MACROD2: variants seen among roughly 807,000 people sequenced by gnomAD.
MACROD2 encodes ADP-ribose glycohydrolase MACROD2.
In MACROD2, 36 loss-of-function variants were observed where a neutral mutation model predicts 70.4. The observed-to-expected ratio is 0.51, with a 90% CI of 0.39 to 0.68. The LOEUF (loss-of-function observed/expected upper bound fraction) is 0.68. Ranked by LOEUF, MACROD2 falls within the 30% of genes least tolerant of loss-of-function variation. MACROD2 has a pLI of 0.00. For missense variants in MACROD2, 496 were observed against 538.4 expected (o/e 0.92, Z 0.78); for synonymous variants, 172 against 178.8 (o/e 0.96, Z 0.30).
intron 3 of MACROD2, among the ~76,000 whole-genome samples, chr20:14,397,104 C>G (rs990739071): frequency 2.7e-5 from 4 of 149,452 alleles, no homozygotes; most frequent in African/African-American, 9.8e-5. Context: ...ACACCATTCT[C>G]CTGCCTCAGC....
chr20:15,974,601 T>TA (rs2066277985), intron 13 of MACROD2, among the ~76,000 whole-genome samples: 3 of 152,068 alleles, frequency 2.0e-5, no homozygotes, highest in African/African-American at 7.2e-5. Context: ...GTAGATACAT[T>TA]TCATTATACA....
At chr20:15,224,995 A>G (rs1176664402) in intron 5 of MACROD2, among the ~76,000 whole-genome samples, 1 of 151,270 alleles carries the variant, frequency 6.6e-6, no homozygotes. Context: ...CTCCTATCCT[A>G]CGTTACCACT....
At chr20:15,750,648 A>G (rs562384901) in intron 8 of MACROD2, among the ~76,000 whole-genome samples, 1 of 152,040 alleles carries the variant, frequency 6.6e-6, no homozygotes, top group Non-Finnish European at 1.5e-5. Flanking sequence ...CAGTATGTTG[A>G]AGAAATATCT....
intron 8 of MACROD2, among the ~76,000 whole-genome samples, chr20:15,788,377 T>G (rs2051966683): frequency 6.6e-6 from 1 of 152,208 alleles, no homozygotes; most frequent in Admixed American, 6.5e-5. Flanking sequence ...CTGAAGTTCT[T>G]AAGAGGGGCT....
At chr20:14,460,468 A>G (rs145192272) in intron 3 of MACROD2, among the ~76,000 whole-genome samples, 2,099 of 152,168 alleles carry the variant, frequency 0.014, 59 homozygotes, top group African/African-American at 0.046. Context: ...GCATTTCTCT[A>G]ATGAGCAGTG....
At chr20:15,113,208 A>G (rs187330493) in intron 5 of MACROD2, among the ~76,000 whole-genome samples, 30 of 152,274 alleles carry the variant, frequency 2.0e-4, no homozygotes, top group East Asian at 5.8e-4. Context: ...TTTTTTTCCC[A>G]AAGCAGCAAC....
intron 5 of MACROD2, among the ~76,000 whole-genome samples, chr20:14,702,671 ATATACACATATATG>A (rs1422309265): frequency 1.6e-4 from 13 of 80,318 alleles, no homozygotes; most frequent in African/African-American, 4.9e-4. Context: ...GTGTATATAT[ATATACACATATATG>A]TGTATATATA....
chr20:16,040,677 G>T (rs1469595933), intron 15 of MACROD2, among the ~76,000 whole-genome samples: 6 of 151,946 alleles, frequency 3.9e-5, no homozygotes, highest in Non-Finnish European at 8.8e-5. Flanking sequence ...AATCCGAAAT[G>T]GCAGCATCAG....
At chr20:15,738,486 A>G (rs1226665736) in intron 8 of MACROD2, among the ~76,000 whole-genome samples, 3 of 152,144 alleles carry the variant, frequency 2.0e-5, no homozygotes, top group South Asian at 4.2e-4. Context: ...GTGAGAGTTG[A>G]TAAGTAAGAA....
At chr20:14,229,337 A>G (rs1323290170) in intron 3 of MACROD2, among the ~76,000 whole-genome samples, 3 of 152,234 alleles carry the variant, frequency 2.0e-5, no homozygotes, top group East Asian at 3.8e-4. Flanking sequence ...CTGATAAAAG[A>G]CTGGTATCTA....
chr20:14,495,417 T>C (rs998034631), intron 4 of MACROD2, among the ~76,000 whole-genome samples: 1 of 152,164 alleles, frequency 6.6e-6, no homozygotes, highest in Non-Finnish European at 1.5e-5. Context: ...TCAGTTTTCT[T>C]TAAGCAGATT....
At chr20:14,691,092 A>G (rs888881847) in intron 5 of MACROD2, among the ~76,000 whole-genome samples, 4 of 151,910 alleles carry the variant, frequency 2.6e-5, no homozygotes, top group Non-Finnish European at 4.4e-5. Context: ...TAATTTTTGT[A>G]TGTTTACTAG....
chr20:15,628,340 T>A (rs979119923), intron 8 of MACROD2, among the ~76,000 whole-genome samples: 1 of 152,208 alleles, frequency 6.6e-6, no homozygotes, highest in Non-Finnish European at 1.5e-5. Flanking sequence ...AGCTCTTGAA[T>A]AATTAGCTGA....
intron 3 of MACROD2, among the ~76,000 whole-genome samples, chr20:14,200,587 A>ATATACTTTATTTC (rs1176986011): frequency 4.7e-4 from 72 of 152,330 alleles, no homozygotes; most frequent in African/African-American, 1.7e-3. Context: ...TTTCCTTAGG[A>ATATACTTTATTTC]TAGGTTCCTA....
intron 3 of MACROD2, among the ~76,000 whole-genome samples, chr20:14,330,578 A>G (rs1406159216): frequency 6.6e-6 from 1 of 152,104 alleles, no homozygotes. Flanking sequence ...ACATACCAAC[A>G]TGGTCATAGG....
In MACROD2 at chr20:15,511,509, C is replaced by CT. The variant is rs556823321; in HGVS notation, c.645+11664dup. ...TGGAGACAAAACTGGGTTTCCTGGACTTACTGAGATGTGATGTGTCAGTTT... is the reference window on the plus strand; with the variant it reads ...TGGAGACAAAACTGGGTTTCCTGGACTTTACTGAGATGTGATGTGTCAGTTT... On this transcript the variant is annotated intron_variant, in intron 8 of 17. Transcript: ENST00000684519. Among the ~76,000 whole-genome samples the CT allele has an allele frequency of 1.2e-3, 187 of 152,266 alleles. 4 individuals are homozygous for CT. Among genetic ancestry groups the CT allele is most frequent in the African/African-American group, 2.3e-3 (97 of 41,546 alleles).
intron 2 of MACROD2, among the ~76,000 whole-genome samples, chr20:14,028,855 T>G (rs1383457529): frequency 6.6e-6 from 1 of 152,202 alleles, no homozygotes; most frequent in African/African-American, 2.4e-5. Flanking sequence ...TTCGGCTGTC[T>G]TGCTCCAGAG....
chr20:14,162,390 T>A (rs977483688), intron 3 of MACROD2, among the ~76,000 whole-genome samples: 1 of 152,344 alleles, frequency 6.6e-6, no homozygotes, highest in East Asian at 1.9e-4. Flanking sequence ...GTCCATGTGG[T>A]CTAATATGCA....
At chr20:15,236,892 G>A (rs1325232370) in intron 6 of MACROD2, among the ~76,000 whole-genome samples, 1 of 152,200 alleles carries the variant, frequency 6.6e-6, no homozygotes, top group East Asian at 1.9e-4. Flanking sequence ...CCACTGTGAA[G>A]TTCCTTTTTC....
Sources: gnomAD v4.1 joint callset for allele counts (sites outside exome capture counted in the v4.1 genomes callset) on GRCh38, gnomAD v4.1.1 for gene constraint, MANE v1.5 for transcripts, NCBI Gene and HGNC (gene_info 2026-07-23, HGNC 2026-07-21) for gene names.